The following CNTN4 variants were observed in gnomAD, a reference collection of about 807,000 sequenced individuals.
CNTN4 encodes the protein contactin-4.
In CNTN4, 77 loss-of-function variants were observed where a neutral mutation model predicts 122.5. The observed-to-expected ratio is 0.63, with a 90% CI of 0.52 to 0.76. The LOEUF (loss-of-function observed/expected upper bound fraction) is 0.76, where lower values mean the gene tolerates loss of function less well. Ranked by LOEUF, CNTN4 falls within the 30% of genes least tolerant of loss-of-function variation. The pLI, the probability that CNTN4 is intolerant of heterozygous loss-of-function variation, is 0.00. For synonymous variants in CNTN4, 512 were observed against 447.0 expected (o/e 1.15, Z -1.83); for missense variants, 1,256 against 1,259.1 (o/e 1.00, Z 0.04).
In CNTN4 at chr3:2,267,284, C is replaced by G. The variant is rs560162649; in HGVS notation, c.-144-71894C>G. On this transcript the variant is annotated intron_variant, in intron 2 of 24. Transcript: ENST00000418658. ...GACCTGTGTGTGTTTGGAAAACAAGCTTAAATATCTCCTCTTCTCATAGGA... is the reference window on the plus strand; with the variant it reads ...GACCTGTGTGTGTTTGGAAAACAAGGTTAAATATCTCCTCTTCTCATAGGA... 2.6e-5 allele frequency among the ~76,000 whole-genome samples: 4 copies of G among 152,206 alleles called. No individual in the cohort carries two copies. The South Asian group carries it at 8.3e-4, about 32-fold the overall frequency.
chr3:2,783,800 C>A (rs1295049536), intron 6 of CNTN4, among the ~76,000 whole-genome samples: 1 of 152,176 alleles, frequency 6.6e-6, no homozygotes, highest in African/African-American at 2.4e-5. Flanking sequence ...TTGATCACTG[C>A]AGGCTAATTG....
intron 3 of CNTN4, among the ~76,000 whole-genome samples, chr3:2,492,050 T>G (rs956899239): frequency 2.0e-5 from 3 of 152,074 alleles, no homozygotes; most frequent in African/African-American, 7.2e-5. Flanking sequence ...TTGATTTATT[T>G]AAAAAAAATC....
chr3:2,603,151 T>G (rs2728066), intron 4 of CNTN4, among the ~76,000 whole-genome samples: 133,975 of 152,064 alleles, frequency 0.88, 59,142 homozygotes, highest in East Asian at 0.99. Context: ...GTTTTTTTCA[T>G]TTAGGATGGA....
At chr3:2,732,239 C>G (rs913355702) in intron 4 of CNTN4, among the ~76,000 whole-genome samples, 1 of 152,122 alleles carries the variant, frequency 6.6e-6, no homozygotes. Flanking sequence ...TAGTAGTTCT[C>G]AAACTTCAGT....
intron 4 of CNTN4, among the ~76,000 whole-genome samples, chr3:2,660,354 C>G (rs974988044): frequency 2.0e-5 from 3 of 152,088 alleles, no homozygotes; most frequent in African/African-American, 7.2e-5. Context: ...TTATATCAAC[C>G]AAGTATTTCA....
intron 4 of CNTN4, among the ~76,000 whole-genome samples, chr3:2,693,050 A>G (rs549610764): frequency 6.6e-6 from 1 of 152,306 alleles, no homozygotes; most frequent in South Asian, 2.1e-4. Flanking sequence ...ATAACCAGCT[A>G]TCCATTCTCC....
At chr3:2,956,445 TA>T (rs1452934719) in intron 13 of CNTN4, among the ~76,000 whole-genome samples, 2 of 152,042 alleles carry the variant, frequency 1.3e-5, no homozygotes, top group Non-Finnish European at 2.9e-5. Flanking sequence ...TTTTTTATGT[TA>T]TATATATATT....
At chr3:2,681,695 A>C (rs1445005416) in intron 4 of CNTN4, among the ~76,000 whole-genome samples, 1 of 152,026 alleles carries the variant, frequency 6.6e-6, no homozygotes, top group Admixed American at 6.6e-5. Context: ...TGCATACCCC[A>C]TATATATTCA....
At chr3:2,686,862 C>T (rs2085458633) in intron 4 of CNTN4, among the ~76,000 whole-genome samples, 2 of 152,160 alleles carry the variant, frequency 1.3e-5, no homozygotes, top group Non-Finnish European at 2.9e-5. Context: ...TGAATTCCTA[C>T]CTGCTGTGGG....
intron 4 of CNTN4, among the ~76,000 whole-genome samples, chr3:2,619,799 A>C (rs2081924720): frequency 6.6e-6 from 1 of 152,228 alleles, no homozygotes; most frequent in African/African-American, 2.4e-5. Flanking sequence ...TAGACAGACT[A>C]CCAGGAATGC....
intron 4 of CNTN4, among the ~76,000 whole-genome samples, chr3:2,624,814 A>G (rs895997064): frequency 6.6e-6 from 1 of 151,334 alleles, no homozygotes; most frequent in African/African-American, 2.4e-5. Context: ...GTATTTTTTT[A>G]GTAGAGACAG....
At chr3:2,383,254 T>C (rs1403154627) in intron 3 of CNTN4, among the ~76,000 whole-genome samples, 4 of 152,148 alleles carry the variant, frequency 2.6e-5, no homozygotes, top group Non-Finnish European at 5.9e-5. Flanking sequence ...ATCCAGCATG[T>C]GAATCCTTTT....
intron 3 of CNTN4, among the ~76,000 whole-genome samples, chr3:2,504,017 C>CTT (rs966079963): frequency 1.4e-5 from 2 of 145,794 alleles, no homozygotes; most frequent in East Asian, 4.0e-4. Flanking sequence ...TAAAGCTTTT[C>CTT]TTTTTTTTTT....
chr3:2,466,409 T>C (rs1026364978), intron 3 of CNTN4, among the ~76,000 whole-genome samples: 3 of 152,174 alleles, frequency 2.0e-5, no homozygotes, highest in African/African-American at 4.8e-5. Context: ...ACAGGAGTTG[T>C]GTAGAATAAT....
At chr3:2,750,057 G>A (rs1337638510) in intron 6 of CNTN4, among the ~76,000 whole-genome samples, 1 of 152,056 alleles carries the variant, frequency 6.6e-6, no homozygotes, top group Non-Finnish European at 1.5e-5. Context: ...GGTTAAAAAA[G>A]ACATTAAAGG....
At chr3:2,280,330 TTTA>T (rs1243160545) in intron 2 of CNTN4, among the ~76,000 whole-genome samples, 2 of 152,166 alleles carry the variant, frequency 1.3e-5, no homozygotes, top group African/African-American at 4.8e-5. Flanking sequence ...TTGAGAATTG[TTTA>T]TTGTGATTGC....
rs137927481 is a variant in CNTN4 at position 2,782,465 on chromosome 3, C to CTGTGTGTGTGTGTG, written c.358+36806_358+36819dup. On this transcript the variant is annotated intron_variant, in intron 6 of 24. Coordinates refer to ENST00000418658, the MANE Select transcript of CNTN4 (RefSeq NM_175607.3). ...CATAACTGATTCCTACCTTCTTATT[C>CTGTGTGTGTGTGTG]TGTGTGTGTGTGTGTGTGTGTGTGT... 1.8e-3 allele frequency among the ~76,000 whole-genome samples: 241 copies of CTGTGTGTGTGTGTG among 133,284 alleles called. 1 individual carries two copies. Among genetic ancestry groups the CTGTGTGTGTGTGTG allele is most frequent in the Non-Finnish European group, 2.7e-3 (173 of 63,114 alleles). 87.4% of individuals were successfully genotyped at this position (133,284 alleles called of 152,430 possible). A position where few individuals can be genotyped will look rare whatever the true frequency, so the allele number is the denominator to read the frequency against.
At chr3:3,037,478 A>G in intron 18 of CNTN4, 150 bp downstream of exon 18, 1 of 1,113,228 alleles carries the variant, frequency 9.0e-7, no homozygotes, top group East Asian at 2.5e-5. Flanking sequence ...AAATCAGGCC[A>G]GGAGAAGCCC....
intron 13 of CNTN4, among the ~76,000 whole-genome samples, chr3:2,937,007 T>C (rs1261828121): frequency 2.6e-5 from 4 of 152,164 alleles, no homozygotes; most frequent in Non-Finnish European, 5.9e-5. Context: ...AAATATTTAC[T>C]CTCTGGCTCT....
Sources: allele counts gnomAD v4.1 joint callset (sites outside exome capture counted in the v4.1 genomes callset), GRCh38; gene constraint gnomAD v4.1.1; transcripts MANE v1.5; gene names NCBI Gene and HGNC (gene_info 2026-07-23, HGNC 2026-07-21).